GRM8: variants seen among roughly 807,000 people sequenced by gnomAD.
The protein encoded by GRM8 is metabotropic glutamate receptor 8.
GRM8 carries 47 observed loss-of-function variants against 87.2 expected under a neutral mutation model. That is an observed-to-expected ratio of 0.54 (90% CI 0.43 to 0.69). The LOEUF (loss-of-function observed/expected upper bound fraction) is 0.69. Among genes scored for constraint, GRM8 ranks in the 30% least tolerant of loss-of-function variants. GRM8 has a pLI of 0.00. For missense variants in GRM8, 1,019 were observed against 1,139.2 expected, an observed-to-expected ratio of 0.89 and a Z score of 1.52; for synonymous variants, 396 against 404.5, an observed-to-expected ratio of 0.98 and a Z score of 0.25.
rs17865865 is a variant in GRM8 at position 127,150,740 on chromosome 7, C to T, written c.511-44028G>A. Reference sequence around the variant, plus strand: ...TGTCCTCAACCTCTATGCTCTACTGCCTCCTTCTGTTCAAGGAGAGTAGAG... The same window carrying T: ...TGTCCTCAACCTCTATGCTCTACTGTCTCCTTCTGTTCAAGGAGAGTAGAG... On this transcript the variant is annotated intron_variant, in intron 2 of 10. Coordinates refer to ENST00000339582, the MANE Select transcript of GRM8 (RefSeq NM_000845.3). Among the ~76,000 whole-genome samples, 16 of 152,186 alleles carry T rather than the reference C, an allele frequency of 1.1e-4. No homozygotes were observed. In the East Asian group the frequency reaches 2.9e-3, roughly 28 times the overall value.
chr7:126,882,000 CTGGCCTTAACAAATA>C (rs1274959142), intron 6 of GRM8, among the ~76,000 whole-genome samples: 1 of 152,112 alleles, frequency 6.6e-6, no homozygotes, highest in African/African-American at 2.4e-5. Context: ...ACTCCATCCC[CTGGCCTTAACAAATA>C]TGGCAGGACA....
intron 3 of GRM8, among the ~76,000 whole-genome samples, chr7:127,051,254 C>G (rs989901341): frequency 3.9e-5 from 6 of 152,120 alleles, no homozygotes; most frequent in South Asian, 2.1e-4. Flanking sequence ...ACTCAACAGT[C>G]TTTTTAATAA....
At chr7:126,653,621 A>G (rs1470279155) in intron 7 of GRM8, among the ~76,000 whole-genome samples, 1 of 152,240 alleles carries the variant, frequency 6.6e-6, no homozygotes, top group Non-Finnish European at 1.5e-5. Context: ...AGCTGCTTCT[A>G]TGGCTTACAA....
chr7:126,738,903 G>A (rs956792410), intron 7 of GRM8, among the ~76,000 whole-genome samples: 3 of 151,990 alleles, frequency 2.0e-5, no homozygotes, highest in African/African-American at 7.2e-5. Context: ...AGATGTTGAT[G>A]AAAAACTCCA....
chr7:127,247,638 G>A (rs940407531), intron 1 of GRM8, among the ~76,000 whole-genome samples: 19 of 152,092 alleles, frequency 1.2e-4, no homozygotes, highest in Admixed American at 1.3e-4. Flanking sequence ...GGCAACAGAC[G>A]CTTGGAATCG....
chr7:127,035,540 T>TA (rs1351781270), intron 3 of GRM8, among the ~76,000 whole-genome samples: 1 of 152,178 alleles, frequency 6.6e-6, no homozygotes, highest in Non-Finnish European at 1.5e-5. Flanking sequence ...ACAAGGCTAT[T>TA]ACTTGTTTCT....
intron 3 of GRM8, among the ~76,000 whole-genome samples, chr7:127,085,266 T>G (rs1186184006): frequency 6.6e-6 from 1 of 152,234 alleles, no homozygotes; most frequent in Non-Finnish European, 1.5e-5. Flanking sequence ...AGTGCCGCAA[T>G]AAACATACGT....
chr7:127,039,373 C>A (rs1818138556), intron 3 of GRM8, among the ~76,000 whole-genome samples: 2 of 152,032 alleles, frequency 1.3e-5, no homozygotes, highest in African/African-American at 4.8e-5. Flanking sequence ...CATCTAAAAG[C>A]CAGAGAGGGA....
intron 6 of GRM8, among the ~76,000 whole-genome samples, chr7:126,884,151 G>A (rs890935788): frequency 2.6e-5 from 4 of 151,970 alleles, no homozygotes; most frequent in African/African-American, 9.7e-5. Flanking sequence ...TAAATCATTT[G>A]CTGATGCCAT....
intron 3 of GRM8, among the ~76,000 whole-genome samples, chr7:126,989,670 G>A (rs952914564): frequency 2.0e-4 from 31 of 152,312 alleles, no homozygotes; most frequent in African/African-American, 6.5e-4. Context: ...GGCTGGGCAC[G>A]GTGGCTCATG....
rs190253844 is a variant in GRM8 at position 127,028,974 on chromosome 7, G to C, written c.727+77522C>G. ...TCCTGCTTTCTTTTGTGGGCATTTA[G>C]TGCTATAAATTTCCCTCTACACACT... On this transcript the variant is annotated intron_variant, in intron 3 of 10. Coordinates refer to ENST00000339582, the MANE Select transcript of GRM8 (RefSeq NM_000845.3). Among the ~76,000 whole-genome samples, 643 of 152,212 alleles carry C rather than the reference G, an allele frequency of 4.2e-3. 5 individuals are homozygous for C. The highest frequency in any genetic ancestry group is 6.9e-3 in the Non-Finnish European group (469 of 68,022).
intron 6 of GRM8, chr7:126,870,267 A>G (rs1426673475): frequency 1.3e-5 from 2 of 152,146 alleles, no homozygotes; most frequent in Non-Finnish European, 2.9e-5. Flanking sequence ...TTGATCTTCT[A>G]TGCAGACCAC....
chr7:127,224,603 A>G (rs1342788346), intron 2 of GRM8, among the ~76,000 whole-genome samples: 1 of 152,188 alleles, frequency 6.6e-6, no homozygotes, highest in Non-Finnish European at 1.5e-5. Context: ...AGGAAGGAAG[A>G]AAAAAACATG....
intron 2 of GRM8, among the ~76,000 whole-genome samples, chr7:127,164,742 C>T (rs756640925): frequency 1.3e-5 from 2 of 151,998 alleles, no homozygotes; most frequent in Admixed American, 6.6e-5. Context: ...AAACACTCAT[C>T]TCAAAATTTA....
intron 7 of GRM8, among the ~76,000 whole-genome samples, chr7:126,646,262 AGAAG>A (rs201279417): frequency 0.025 from 3,419 of 137,896 alleles, 103 homozygotes; most frequent in Admixed American, 0.085. Flanking sequence ...AAGGAGGGAA[AGAAG>A]GAAGGAAGGA....
chr7:126,686,728 C>T (rs1319827890), intron 7 of GRM8, among the ~76,000 whole-genome samples: 1 of 152,194 alleles, frequency 6.6e-6, no homozygotes, highest in Non-Finnish European at 1.5e-5. Context: ...GGCATAGGAT[C>T]CAGGCCAGTA....
intron 3 of GRM8, among the ~76,000 whole-genome samples, chr7:127,044,721 A>G (rs1757909536): frequency 6.6e-6 from 1 of 152,162 alleles, no homozygotes; most frequent in Non-Finnish European, 1.5e-5. Flanking sequence ...TTTTGCAGGG[A>G]GGTAATTAAA....
chr7:127,230,678 G>C (rs1186118740), intron 2 of GRM8, among the ~76,000 whole-genome samples: 1 of 152,134 alleles, frequency 6.6e-6, no homozygotes, highest in Non-Finnish European at 1.5e-5. Context: ...GGAGAGACAG[G>C]AGAGAGCTTT....
At chr7:126,755,972 G>C (rs1335496908) in intron 7 of GRM8, among the ~76,000 whole-genome samples, 2 of 151,848 alleles carry the variant, frequency 1.3e-5, no homozygotes, top group African/African-American at 4.8e-5. Flanking sequence ...AACCTTATTA[G>C]TTTTTATTTA....
Sources: gnomAD v4.1 joint callset for allele counts (sites outside exome capture counted in the v4.1 genomes callset) on GRCh38, gnomAD v4.1.1 for gene constraint, MANE v1.5 for transcripts, NCBI Gene and HGNC (gene_info 2026-07-23, HGNC 2026-07-21) for gene names.